ROBO2: variants seen among roughly 807,000 people sequenced by gnomAD.
ROBO2 encodes roundabout homolog 2.
In ROBO2, 53 loss-of-function variants were observed where a neutral mutation model predicts 160.8. That is an observed-to-expected ratio of 0.33 (90% CI 0.26 to 0.41). ROBO2 has a LOEUF of 0.41. ROBO2 is among the 10% of genes least tolerant of loss of function. The pLI is 1.00. For missense variants in ROBO2, 1,577 were observed against 1,722.4 expected (o/e 0.92, Z 1.49); for synonymous variants, 664 against 611.7 (o/e 1.09, Z -1.26).
At chr3:76,505,425 G>C (rs2080744177) in intron 2 of ROBO2, among the ~76,000 whole-genome samples, 1 of 152,126 alleles carries the variant, frequency 6.6e-6, no homozygotes, top group Admixed American at 6.5e-5. Context: ...ACCTCCAAGA[G>C]GGTATGTTCA....
chr3:76,118,935 A>G (rs1332616345), intron 2 of ROBO2, among the ~76,000 whole-genome samples: 1 of 152,176 alleles, frequency 6.6e-6, no homozygotes, highest in Non-Finnish European at 1.5e-5. Context: ...CTTTCACAAT[A>G]TAGGGAAAAC....
chr3:76,645,393 C>A (rs2090914279), intron 2 of ROBO2, among the ~76,000 whole-genome samples: 1 of 152,188 alleles, frequency 6.6e-6, no homozygotes, highest in Admixed American at 6.5e-5. Context: ...TTAGGCCCAG[C>A]TGAACTTGTT....
At chr3:76,660,935 G>A (rs980892469) in intron 2 of ROBO2, among the ~76,000 whole-genome samples, 3 of 152,058 alleles carry the variant, frequency 2.0e-5, no homozygotes, top group African/African-American at 7.2e-5. Flanking sequence ...GTAGAAAAAT[G>A]AGGATGTATT....
chr3:77,015,603 G>T (rs1229808728), intron 2 of ROBO2, among the ~76,000 whole-genome samples: 1 of 152,094 alleles, frequency 6.6e-6, no homozygotes, highest in East Asian at 1.9e-4. Context: ...GTTAGAAGGG[G>T]CTAAACAATA....
In ROBO2 at chr3:76,447,542, G is replaced by A. The variant is rs1207570012; in HGVS notation, c.109+509940G>A. On this transcript the variant is annotated intron_variant, in intron 2 of 26. Transcript: ENST00000487694. ...TTTGACCCAGCCATCCCATTACTGA[G>A]TATATACCCAAAGGATTATAAATCA... 6.7e-5 allele frequency among the ~76,000 whole-genome samples: 10 copies of A among 149,826 alleles called. No homozygotes were observed. In the East Asian group the frequency reaches 1.6e-3, roughly 23 times the overall value.
At chr3:76,468,829 C>G (rs2078497391) in intron 2 of ROBO2, among the ~76,000 whole-genome samples, 1 of 152,026 alleles carries the variant, frequency 6.6e-6, no homozygotes, top group African/African-American at 2.4e-5. Flanking sequence ...AACCTTTTTT[C>G]TCACCATTCG....
chr3:76,949,501 A>G (rs79200571), intron 2 of ROBO2, among the ~76,000 whole-genome samples: 5,572 of 152,284 alleles, frequency 0.037, 347 homozygotes, highest in African/African-American at 0.13. Context: ...GCAGAATTCA[A>G]ACCAAGTCCG....
rs897497805 is a variant in ROBO2 at position 77,342,292 on chromosome 3, T to C, written c.389-135122T>C. ...TCCATTGTCAGTGTGTAAAAGAAAATGAAAGCTCTGGGCATCATTAAAGTC... is the reference window on the plus strand; with the variant it reads ...TCCATTGTCAGTGTGTAAAAGAAAACGAAAGCTCTGGGCATCATTAAAGTC... On this transcript the variant is annotated intron_variant, in intron 2 of 25. Transcript: ENST00000461745. Among the ~76,000 whole-genome samples the C allele has an allele frequency of 2.0e-5, 3 of 152,162 alleles. No homozygotes were observed. In the East Asian group the frequency reaches 5.8e-4, roughly 29 times the overall value.
intron 2 of ROBO2, among the ~76,000 whole-genome samples, chr3:77,123,960 GTAGA>G (rs1213435137): frequency 1.3e-5 from 2 of 149,520 alleles, no homozygotes; most frequent in Non-Finnish European, 3.0e-5. Context: ...AGATAGATAT[GTAGA>G]TAATCTATCT....
chr3:77,164,219 A>G (rs530934737), intron 2 of ROBO2, among the ~76,000 whole-genome samples: 2 of 152,354 alleles, frequency 1.3e-5, no homozygotes, highest in African/African-American at 4.8e-5. Flanking sequence ...AAAAATAAAA[A>G]AGTGGTATGT....
chr3:77,476,368 A>G (rs867498669), intron 2 of ROBO2, among the ~76,000 whole-genome samples: 46 of 144,220 alleles, frequency 3.2e-4, no homozygotes, highest in Middle Eastern at 3.5e-3. Context: ...GTCTGTGGGT[A>G]TGTGTGTGTG....
intron 2 of ROBO2, among the ~76,000 whole-genome samples, chr3:76,312,548 T>C (rs907190067): frequency 5.9e-5 from 9 of 152,212 alleles, no homozygotes; most frequent in African/African-American, 2.2e-4. Flanking sequence ...AGAGGAATGG[T>C]GCTGCAAATT....
rs1368227317 is a variant in ROBO2, at chr3:77,588,542, G to A, written c.2501-209G>A. On this transcript the variant is annotated intron_variant, in intron 16 of 25. Coordinates refer to ENST00000461745, the Ensembl canonical transcript of ROBO2. The stretch of plus-strand genomic sequence containing the variant: ...TCCATAGCAAACCACAACACAAGAG[G>A]TCAGTGTTCTTAATCACATTTGCAA... Among the ~76,000 whole-genome samples, 3 of 152,124 alleles carry A rather than the reference G, an allele frequency of 2.0e-5. No individual in the cohort carries two copies. In the East Asian group the frequency reaches 5.8e-4, roughly 29 times the overall value.
chr3:77,420,046 CATTGGTGTAGGTTTAATGTGAGT>C (rs1356104887), intron 2 of ROBO2, among the ~76,000 whole-genome samples: 3 of 151,870 alleles, frequency 2.0e-5, no homozygotes, highest in Non-Finnish European at 4.4e-5. Flanking sequence ...ACCTGAGAAC[CATTGGTGTAGGTTTAATGTGAGT>C]ATTCATAACA....
At chr3:77,520,026 G>T (rs2090433750) in intron 5 of ROBO2, among the ~76,000 whole-genome samples, 1 of 151,330 alleles carries the variant, frequency 6.6e-6, no homozygotes, top group South Asian at 2.1e-4. Context: ...GTTCTCTGAT[G>T]ATTTGAATAA....
At chr3:76,144,684 G>A (rs1259279182) in intron 2 of ROBO2, among the ~76,000 whole-genome samples, 1 of 152,046 alleles carries the variant, frequency 6.6e-6, no homozygotes, top group Non-Finnish European at 1.5e-5. Flanking sequence ...TTACTTCACA[G>A]TTCAGCTACC....
intron 11 of ROBO2, among the ~76,000 whole-genome samples, chr3:77,563,601 T>C (rs1210099221): frequency 6.6e-6 from 1 of 152,074 alleles, no homozygotes; most frequent in Non-Finnish European, 1.5e-5. Flanking sequence ...ACCCAGACCA[T>C]TGTAGGGATT....
intron 2 of ROBO2, among the ~76,000 whole-genome samples, chr3:77,217,476 C>G (rs899438841): frequency 1.2e-4 from 18 of 152,282 alleles, no homozygotes; most frequent in African/African-American, 3.9e-4. Context: ...AATAAGCATA[C>G]TTAATGTCAG....
At position 76,427,632 on chromosome 3, in the gene ROBO2, T is replaced by C. The variant is rs538022925; in HGVS notation, c.109+490030T>C. Among the ~76,000 whole-genome samples the C allele has an allele frequency of 5.9e-5, 9 of 152,314 alleles. 2 individuals are homozygous for C. Among genetic ancestry groups the C allele is most frequent in the African/African-American group, 2.2e-4 (9 of 41,566 alleles). ...AATTCACTAAAAGAAGAAAGTGTTTTATCAAATACCATCCACACAACTGAT... is the reference window on the plus strand; with the variant it reads ...AATTCACTAAAAGAAGAAAGTGTTTCATCAAATACCATCCACACAACTGAT... On this transcript the variant is annotated intron_variant, in intron 2 of 26. Coordinates refer to the ROBO2 transcript ENST00000487694.
Sources: gnomAD v4.1 joint callset for allele counts (sites outside exome capture counted in the v4.1 genomes callset) on GRCh38, gnomAD v4.1.1 for gene constraint, MANE v1.5 for transcripts, NCBI Gene and HGNC (gene_info 2026-07-23, HGNC 2026-07-21) for gene names.